The following DGKB variants were observed in gnomAD, a reference collection of about 807,000 sequenced individuals.
The protein encoded by DGKB is 90 kDa diacylglycerol kinase.
In DGKB, 67 loss-of-function variants were observed where a neutral mutation model predicts 114.3. The observed-to-expected ratio is 0.59, with a 90% CI of 0.48 to 0.72. The LOEUF is 0.72. Among genes scored for constraint, DGKB ranks in the 30% least tolerant of loss-of-function variants. DGKB has a pLI of 0.00. For missense variants in DGKB, 907 were observed against 975.2 expected (o/e 0.93, Z 0.93); for synonymous variants, 398 against 323.1 (o/e 1.23, Z -2.49).
At chr7:14,263,752 G>A (rs907447299) in intron 23 of DGKB, among the ~76,000 whole-genome samples, 15 of 147,790 alleles carry the variant, frequency 1.0e-4, no homozygotes, top group South Asian at 8.8e-4. Context: ...ACTGTCCTAA[G>A]AATTGCTACT....
chr7:14,757,377 G>A (rs1010612979), intron 3 of DGKB, among the ~76,000 whole-genome samples: 2 of 151,872 alleles, frequency 1.3e-5, no homozygotes, highest in African/African-American at 4.8e-5. Flanking sequence ...TTATTTGAAC[G>A]AAAAATGTAC....
chr7:14,660,452 CTG>C (rs1241962397), intron 13 of DGKB, among the ~76,000 whole-genome samples: 4 of 151,886 alleles, frequency 2.6e-5, no homozygotes, highest in Non-Finnish European at 4.4e-5. Flanking sequence ...TCTTAGGAGA[CTG>C]TATGTGTCGA....
chr7:14,905,601 A>G (rs1587353824), upstream of DGKB, among the ~76,000 whole-genome samples: 1 of 152,342 alleles, frequency 6.6e-6, no homozygotes, highest in East Asian at 1.9e-4. Flanking sequence ...GAAAATATAT[A>G]GAAACGAATC....
chr7:14,937,275 A>G (rs549945017), intron 1 of DGKB, among the ~76,000 whole-genome samples: 1 of 152,164 alleles, frequency 6.6e-6, no homozygotes, highest in South Asian at 2.1e-4. Flanking sequence ...TCTGATTTAT[A>G]TAAAGTTTAT....
chr7:14,964,404 G>A (rs1334976609), intron 1 of DGKB, among the ~76,000 whole-genome samples: 1 of 152,120 alleles, frequency 6.6e-6, no homozygotes, highest in Non-Finnish European at 1.5e-5. Flanking sequence ...GGAGGCTGAG[G>A]TGGGAGAATC....
chr7:14,974,796 T>G (rs1046147017), upstream of DGKB: 1 of 152,276 alleles, frequency 6.6e-6, no homozygotes, highest in South Asian at 2.1e-4. Flanking sequence ...AGAGGTTCTG[T>G]GTGTTACATT....
At chr7:14,296,701 A>C (rs566776247) in intron 23 of DGKB, among the ~76,000 whole-genome samples, 1 of 147,306 alleles carries the variant, frequency 6.8e-6, no homozygotes, top group African/African-American at 2.4e-5. Flanking sequence ...AGATCAGAGC[A>C]GAACTGAAGG....
rs1851422855 is a variant in DGKB at position 14,864,389 on chromosome 7, G to A, written c.-187-22939C>T. On this transcript the variant is annotated intron_variant, in intron 1 of 25. Transcript: ENST00000402815. ...AGTGGATCATATGAGCACTTGAAAT[G>A]CACCATCCTTCAATCAATATGTCTT... is the stretch of plus-strand genomic sequence containing the variant. Among the ~76,000 whole-genome samples the A allele has an allele frequency of 2.0e-5, 3 of 152,074 alleles. No individual in the cohort carries two copies. The South Asian group carries it at 6.2e-4, about 32-fold the overall frequency.
chr7:14,168,249 G>C (rs1460006434), intron 25 of DGKB, among the ~76,000 whole-genome samples: 2 of 152,238 alleles, frequency 1.3e-5, no homozygotes, highest in African/African-American at 4.8e-5. Flanking sequence ...CAGGTGAATA[G>C]ATATCCAATG....
At chr7:14,949,268 T>G (rs969195962) in intron 1 of DGKB, among the ~76,000 whole-genome samples, 31 of 151,978 alleles carry the variant, frequency 2.0e-4, no homozygotes, top group East Asian at 9.6e-4. Flanking sequence ...TAAGCAAGTG[T>G]CAGCATCACA....
At chr7:14,469,736 T>C (rs1780995244) in intron 21 of DGKB, among the ~76,000 whole-genome samples, 2 of 152,022 alleles carry the variant, frequency 1.3e-5, no homozygotes, top group Non-Finnish European at 2.9e-5. Flanking sequence ...AGTCTCAACA[T>C]ACAAATAAAA....
chr7:14,852,099 A>C (rs796786193), intron 1 of DGKB, among the ~76,000 whole-genome samples: 11 of 152,374 alleles, frequency 7.2e-5, no homozygotes, highest in African/African-American at 2.4e-4. Flanking sequence ...AGTAACTACA[A>C]CAAGTTACTT....
chr7:14,649,690 C>T lies in DGKB; in HGVS notation c.1135-19422G>A, dbSNP rs1488017469. Reference sequence around the variant, plus strand: ...TGGACAAAATGCTCCAATTAAAAGACACAGACTGGCAAATTGGATAAAGAG... The same window carrying T: ...TGGACAAAATGCTCCAATTAAAAGATACAGACTGGCAAATTGGATAAAGAG... On this transcript the variant is annotated intron_variant, in intron 13 of 25. Transcript: ENST00000402815. Among the ~76,000 whole-genome samples, 3 of 142,790 alleles carry T rather than the reference C, an allele frequency of 2.1e-5. No individual in the cohort carries two copies. In the East Asian group the frequency reaches 6.1e-4, roughly 29 times the overall value. The allele number at this position is 142,790 out of a possible 152,430, so 93.7% of individuals were successfully genotyped here. A position where few individuals can be genotyped will look rare whatever the true frequency, so the allele number is the denominator to read the frequency against.
chr7:14,859,781 T>C lies in DGKB; in HGVS notation c.-187-18331A>G, dbSNP rs538706107. Among the ~76,000 whole-genome samples, 9 of 152,218 alleles carry C rather than the reference T, an allele frequency of 5.9e-5. No individual in the cohort carries two copies. The East Asian group carries it at 1.5e-3, about 26-fold the overall frequency. The stretch of plus-strand genomic sequence containing the variant: ...ATCTCCCCGTACCTCCTTCCCTGAC[T>C]AAATGCAAATATCTGAAATGCATAA... On this transcript the variant is annotated intron_variant, in intron 1 of 25. Coordinates refer to ENST00000402815, the MANE Select transcript of DGKB (RefSeq NM_001350709.2).
chr7:14,649,757 T>C (rs370189606), intron 13 of DGKB, among the ~76,000 whole-genome samples: 128 of 141,244 alleles, frequency 9.1e-4, no homozygotes, highest in South Asian at 2.6e-3. Flanking sequence ...ACCCATCTCA[T>C]GTGCAGAGAC....
In DGKB at chr7:14,170,134, C is replaced by CAAAAA. The variant is rs762339951; in HGVS notation, c.2304+6700_2304+6704dup. On this transcript the variant is annotated intron_variant, in intron 25 of 25. Coordinates refer to ENST00000402815, the MANE Select transcript of DGKB (RefSeq NM_001350709.2). ...GGGCAACAAGAGAGAAACTCCATCT[C>CAAAAA]AAAAAAAAAAAAAAGAAAGAAAGAA... Among the ~76,000 whole-genome samples, 27 of 33,066 alleles carry CAAAAA rather than the reference C, an allele frequency of 8.2e-4. 1 individual carries two copies. Among genetic ancestry groups the CAAAAA allele is most frequent in the Non-Finnish European group, 1.3e-3 (22 of 16,736 alleles). The allele number at this position is 33,066 out of a possible 152,430, so 21.7% of individuals were successfully genotyped here. A position where few individuals can be genotyped will look rare whatever the true frequency, so the allele number is the denominator to read the frequency against.
chr7:14,478,099 T>G (rs573139357), intron 21 of DGKB, 62 bp downstream of exon 21: 14 of 1,124,106 alleles, frequency 1.2e-5, no homozygotes, highest in Non-Finnish European at 1.8e-5. Context: ...TACCATCTAG[T>G]GATCTTTTTA....
At chr7:14,691,371 G>A (rs1363651271) in intron 9 of DGKB, among the ~76,000 whole-genome samples, 1 of 152,124 alleles carries the variant, frequency 6.6e-6, no homozygotes, top group East Asian at 1.9e-4. Context: ...ACAACAAATG[G>A]CCAACTTCAA....
intron 23 of DGKB, among the ~76,000 whole-genome samples, chr7:14,312,348 C>T (rs924191177): frequency 1.1e-4 from 17 of 152,106 alleles, no homozygotes; most frequent in African/African-American, 3.1e-4. Flanking sequence ...TATTTTTATA[C>T]GCATTGTGTT....
Sources: allele counts gnomAD v4.1 joint callset (sites outside exome capture counted in the v4.1 genomes callset), GRCh38; gene constraint gnomAD v4.1.1; transcripts MANE v1.5; gene names NCBI Gene and HGNC (gene_info 2026-07-23, HGNC 2026-07-21).